The following FER1L6 variants were observed in gnomAD, a reference collection of about 807,000 sequenced individuals.
FER1L6 encodes fer-1 like family member 6.
FER1L6 carries 177 observed loss-of-function variants against 219.2 expected under a neutral mutation model. The ratio of observed to expected loss-of-function variants is 0.81; its 90% CI spans 0.71 to 0.91. The LOEUF (loss-of-function observed/expected upper bound fraction) is 0.91, where lower values mean the gene tolerates loss of function less well. FER1L6 is among the 40% of genes least tolerant of loss of function. The pLI, the probability that FER1L6 is intolerant of heterozygous loss-of-function variation, is 0.00. For synonymous variants in FER1L6, 768 were observed against 824.3 expected (o/e 0.93, Z 1.17); for missense variants, 2,153 against 2,259.9 (o/e 0.95, Z 0.96).
chr8:124,099,828 CAAG>C (rs1001103285), intron 37 of FER1L6, among the ~76,000 whole-genome samples: 10 of 152,306 alleles, frequency 6.6e-5, no homozygotes, highest in African/African-American at 2.2e-4. Flanking sequence ...TTGCTCTCTG[CAAG>C]AAGAACTAAG....
intron 21 of FER1L6, among the ~76,000 whole-genome samples, chr8:124,048,829 T>C (rs964195660): frequency 1.3e-5 from 2 of 152,244 alleles, no homozygotes; most frequent in African/African-American, 4.8e-5. Context: ...CAAACTGAAG[T>C]CTGCCTGGCT....
chr8:124,003,053 A>C lies in FER1L6; in HGVS notation c.1520-114A>C, dbSNP rs28654726. ...TGATCATTGCTCTTTCTACCTTCAT[A>C]ATGGGAGCTTACCTTATTGCTGTGG... is the stretch of plus-strand genomic sequence containing the variant. On this transcript the variant is annotated intron_variant, in intron 12 of 40. Coordinates refer to ENST00000522917, the MANE Select transcript of FER1L6 (RefSeq NM_001039112.2). The C allele has an allele frequency of 8.5e-4, 682 of 798,148 alleles. 2 individuals are homozygous for C. In the African/African-American group the frequency reaches 0.01, roughly 12 times the overall value. 49.4% of individuals were successfully genotyped at this position (798,148 alleles called of 1,614,324 possible).
At chr8:123,924,136 GAGGC>G (rs1813471491) in intron 1 of FER1L6, among the ~76,000 whole-genome samples, 1 of 150,376 alleles carries the variant, frequency 6.6e-6, no homozygotes, top group Non-Finnish European at 1.5e-5. Flanking sequence ...TCCAGAGGCT[GAGGC>G]AGGAGAATTG....
chr8:123,921,117 T>G (rs183576194), intron 1 of FER1L6, among the ~76,000 whole-genome samples: 131 of 152,362 alleles, frequency 8.6e-4, no homozygotes, highest in African/African-American at 3.1e-3. Context: ...TTCTATTTCT[T>G]GGCTATTATC....
At chr8:124,058,042 T>A (rs766422227) in intron 22 of FER1L6, among the ~76,000 whole-genome samples, 26 of 152,238 alleles carry the variant, frequency 1.7e-4, no homozygotes, top group Non-Finnish European at 3.2e-4. Flanking sequence ...TAGACATTTC[T>A]ACATAAAAAT....
intron 1 of FER1L6, among the ~76,000 whole-genome samples, chr8:123,920,518 T>C (rs889417888): frequency 6.6e-6 from 1 of 152,228 alleles, no homozygotes; most frequent in African/African-American, 2.4e-5. Flanking sequence ...ACAGTGACCA[T>C]GTCTGCGAGC....
intron 26 of FER1L6, among the ~76,000 whole-genome samples, chr8:124,066,142 A>G (rs1319667763): frequency 6.6e-6 from 1 of 152,188 alleles, no homozygotes; most frequent in Non-Finnish European, 1.5e-5. Context: ...TAGCTCCTGT[A>G]CTGTATCCAG....
At chr8:124,024,196 A>ATTTTTTTTTTT (rs201365446) in intron 18 of FER1L6, among the ~76,000 whole-genome samples, 1 of 142,460 alleles carries the variant, frequency 7.0e-6, no homozygotes. Flanking sequence ...GTACTTGGCC[A>ATTTTTTTTTTT]TTTTTTTTTT....
rs758446743 is a variant in FER1L6 at position 124,010,672 on chromosome 8, G to A, written c.1779G>A (p.Arg593=). ...GCTCTTGGGGAGACCAGACCTTCAG[G>A]CTGCACTGGTCCAACATGCTGGAGA... The part of the protein sequence containing the change: ...FISSWGDQTF[R]LHWSNMLEKM... Residue 593 remains arginine, a synonymous_variant, in exon 14 of 41, where the codon AGG becomes AGA. Coordinates refer to ENST00000522917, the MANE Select transcript of FER1L6 (RefSeq NM_001039112.2). 4 of 1,613,922 alleles carry A rather than the reference G, an allele frequency of 2.5e-6. No homozygotes were observed. In the East Asian group the frequency reaches 8.9e-5, roughly 36 times the overall value.
chr8:124,062,784 A>G (rs1355792628), intron 25 of FER1L6, among the ~76,000 whole-genome samples: 1 of 152,188 alleles, frequency 6.6e-6, no homozygotes, highest in Non-Finnish European at 1.5e-5. Flanking sequence ...ATGTACACCC[A>G]GGGGTGAGAT....
chr8:124,071,588 C>T lies in FER1L6; in HGVS notation c.4049C>T (p.Pro1350Leu), dbSNP rs939645197. The T allele has an allele frequency of 5.6e-6, 9 of 1,613,988 alleles. No homozygotes were observed. Among genetic ancestry groups the T allele is most frequent in the Non-Finnish European group, 6.8e-6 (8 of 1,179,994 alleles). The change falls in exon 31 of 41, where the codon CCC (proline) becomes CTC (leucine). Residue 1350 changes from proline to leucine, a missense_variant. Pro to Leu is a moderately conservative substitution (Grantham distance 98). Coordinates refer to ENST00000522917, the MANE Select transcript of FER1L6 (RefSeq NM_001039112.2). ...CTGAGAATCCAGCAAGGGATTCCGC[C>T]CAATCACCCTGTCACAGTGCTGATC... ...GQLRIQQGIP[P>L]NHPVTVLIRV...
intron 1 of FER1L6, among the ~76,000 whole-genome samples, chr8:123,854,461 A>C (rs967295313): frequency 6.6e-6 from 1 of 152,156 alleles, no homozygotes; most frequent in African/African-American, 2.4e-5. Context: ...GTAGCATGTC[A>C]ACTCAAATGT....
At chr8:124,083,768 C>T (rs1745733832) in intron 33 of FER1L6, among the ~76,000 whole-genome samples, 1 of 151,998 alleles carries the variant, frequency 6.6e-6, no homozygotes. Context: ...CTTTTGTGGT[C>T]CCACGTAAAT....
chr8:123,902,621 A>G (rs1812879238), intron 1 of FER1L6, among the ~76,000 whole-genome samples: 1 of 152,200 alleles, frequency 6.6e-6, no homozygotes, highest in South Asian at 2.1e-4. Flanking sequence ...ATATAGGAAT[A>G]GCTACCCCTG....
At chr8:124,072,731 A>G (rs1821126281) in intron 31 of FER1L6, among the ~76,000 whole-genome samples, 1 of 152,194 alleles carries the variant, frequency 6.6e-6, no homozygotes, top group Non-Finnish European at 1.5e-5. Flanking sequence ...GGGAAGTCAC[A>G]GTGTAGTTGG....
intron 1 of FER1L6, among the ~76,000 whole-genome samples, chr8:123,867,254 T>C (rs1349836213): frequency 1.3e-5 from 2 of 152,190 alleles, no homozygotes; most frequent in African/African-American, 4.8e-5. Context: ...TGGTGTGACA[T>C]TTTCATTTAG....
intron 3 of FER1L6, among the ~76,000 whole-genome samples, chr8:123,965,399 C>T (rs570923704): frequency 2.0e-5 from 3 of 152,200 alleles, no homozygotes; most frequent in Non-Finnish European, 4.4e-5. Flanking sequence ...TTCTTCATCT[C>T]TTTCTGTTGT....
chr8:124,119,020 A>T (rs1823369447), intron 40 of FER1L6, 76 bp downstream of exon 40: 3 of 1,212,096 alleles, frequency 2.5e-6, no homozygotes, highest in Admixed American at 1.9e-5. Flanking sequence ...TGATAATGGC[A>T]TTTCTTTAGA....
At chr8:123,949,104 A>T (rs528571728) in intron 1 of FER1L6, among the ~76,000 whole-genome samples, 1 of 152,318 alleles carries the variant, frequency 6.6e-6, no homozygotes, top group African/African-American at 2.4e-5. Flanking sequence ...GGAAAGCTTC[A>T]AAAGGAAAAG....
Sources: allele counts gnomAD v4.1 joint callset (sites outside exome capture counted in the v4.1 genomes callset), GRCh38; gene constraint gnomAD v4.1.1; transcripts MANE v1.5; gene names NCBI Gene and HGNC (gene_info 2026-07-23, HGNC 2026-07-21).